Variants in SEL1L observed in about 807,000 individuals in gnomAD.
SEL1L encodes SEL1L adaptor subunit of SYVN1 ubiquitin ligase.
Under a neutral mutation model 109.8 loss-of-function variants are expected in SEL1L, and 52 were observed. The observed-to-expected ratio is 0.47, with a 90% CI of 0.38 to 0.60. SEL1L has a LOEUF of 0.60. SEL1L is among the 20% of genes least tolerant of loss of function. The pLI is 0.00. For synonymous variants in SEL1L, 373 were observed against 339.6 expected (o/e 1.10, Z -1.08); for missense variants, 749 against 962.2 (o/e 0.78, Z 2.93).
At chr14:81,483,614 G>T (rs1274824461) in intron 19 of SEL1L, among the ~76,000 whole-genome samples, 1 of 152,114 alleles carries the variant, frequency 6.6e-6, no homozygotes, top group African/African-American at 2.4e-5. Flanking sequence ...TGGTAAGTGG[G>T]TATTAAATTA....
intron 3 of SEL1L, among the ~76,000 whole-genome samples, chr14:81,514,921 CT>C (rs985958254): frequency 6.6e-6 from 1 of 152,124 alleles, no homozygotes; most frequent in South Asian, 2.1e-4. Flanking sequence ...GCAGCTTGAC[CT>C]TTTCTGTAAG....
At chr14:81,485,445 T>G (rs1595504709) in intron 18 of SEL1L, among the ~76,000 whole-genome samples, 1 of 146,058 alleles carries the variant, frequency 6.8e-6, no homozygotes, top group East Asian at 2.0e-4. Context: ...CCAGCTAATT[T>G]TTTTTGTTTT....
chr14:81,529,068 T>C (rs942869466), intron 1 of SEL1L, among the ~76,000 whole-genome samples: 8 of 152,142 alleles, frequency 5.3e-5, no homozygotes, highest in African/African-American at 1.9e-4. Flanking sequence ...CACCTACTTT[T>C]AGATTACCTT....
chr14:81,489,448 A>G, intron 13 of SEL1L, 134 bp from the exon 14 acceptor site: 1 of 708,666 alleles, frequency 1.4e-6, no homozygotes, highest in Non-Finnish European at 2.4e-6. Context: ...TCAAAACAAA[A>G]CTTTCTTCTT....
chr14:81,510,510 CTCTCTATA>C lies in SEL1L; in HGVS notation c.341-4277_341-4270del, dbSNP rs1318433463. Among the ~76,000 whole-genome samples, 534 of 108,378 alleles carry C rather than the reference CTCTCTATA, an allele frequency of 4.9e-3. 4 individuals are homozygous for C. Among genetic ancestry groups the C allele is most frequent in the Non-Finnish European group, 5.7e-3 (296 of 51,766 alleles). 71.1% of individuals were successfully genotyped at this position (108,378 alleles called of 152,430 possible). On this transcript the variant is annotated intron_variant, in intron 3 of 20. Coordinates refer to ENST00000336735, the MANE Select transcript of SEL1L (RefSeq NM_005065.6). Reference sequence around the variant, plus strand: ...TCTCTCTCTCTCTCTCTCTCTCTCTCTCTCTATATATATATATATAGACAATTAAAGGC... The same window carrying C: ...TCTCTCTCTCTCTCTCTCTCTCTCTCTATATATATATAGACAATTAAAGGC...
intron 10 of SEL1L, among the ~76,000 whole-genome samples, chr14:81,495,420 G>C (rs755136829): frequency 8.5e-5 from 13 of 152,100 alleles, no homozygotes. Flanking sequence ...TGAATCACTT[G>C]AGCCCAGGAG....
At chr14:81,526,166 TA>T (rs1284662406) in intron 3 of SEL1L, among the ~76,000 whole-genome samples, 1 of 152,150 alleles carries the variant, frequency 6.6e-6, no homozygotes, top group African/African-American at 2.4e-5. Context: ...TAATAATTTT[TA>T]AAAGGATTAA....
intron 19 of SEL1L, among the ~76,000 whole-genome samples, chr14:81,480,281 C>A (rs540814026): frequency 2.0e-4 from 30 of 152,228 alleles, no homozygotes; most frequent in Admixed American, 1.9e-3. Context: ...CTCCGCCCCC[C>A]AGGGTTCACG....
chr14:81,484,613 G>C (rs1419403088), intron 18 of SEL1L: 2 of 436,366 alleles, frequency 4.6e-6, no homozygotes, highest in East Asian at 3.5e-5. Context: ...GGAATACAGA[G>C]AGGTAAAACC....
chr14:81,515,691 G>C (rs1314592066), intron 3 of SEL1L, among the ~76,000 whole-genome samples: 2 of 152,196 alleles, frequency 1.3e-5, no homozygotes, highest in East Asian at 3.9e-4. Flanking sequence ...GAGGCCTTAA[G>C]AGAACATATT....
chr14:81,510,130 G>A (rs984613477), intron 3 of SEL1L, among the ~76,000 whole-genome samples: 8 of 152,256 alleles, frequency 5.3e-5, no homozygotes, highest in Non-Finnish European at 8.8e-5. Flanking sequence ...GTATCTTCAG[G>A]GAAAAGAACA....
intron 19 of SEL1L, among the ~76,000 whole-genome samples, chr14:81,483,232 A>AT (rs1028629441): frequency 3.9e-5 from 6 of 152,348 alleles, no homozygotes. Context: ...TGAAATCTCA[A>AT]TTTTTAACAA....
At chr14:81,513,913 C>T (rs932040069) in intron 3 of SEL1L, among the ~76,000 whole-genome samples, 2 of 152,198 alleles carry the variant, frequency 1.3e-5, no homozygotes, top group Non-Finnish European at 2.9e-5. Context: ...GCGGAACTCT[C>T]GAAGTCACGT....
At chr14:81,508,820 T>A (rs1262548327) in intron 3 of SEL1L, among the ~76,000 whole-genome samples, 1 of 152,204 alleles carries the variant, frequency 6.6e-6, no homozygotes, top group East Asian at 1.9e-4. Context: ...AAATAACTTA[T>A]CATAGGAATT....
In SEL1L at chr14:81,510,514, C is replaced by CTCTCTCTCTCTATATA. The variant is rs35474067; in HGVS notation, c.341-4274_341-4273insTATATAGAGAGAGAGA. Among the ~76,000 whole-genome samples the CTCTCTCTCTCTATATA allele has an allele frequency of 2.0e-3, 203 of 104,050 alleles. 1 individual carries two copies. The highest frequency in any genetic ancestry group is 2.8e-3 in the East Asian group (9 of 3,220). The allele number at this position is 104,050 out of a possible 152,430, so 68.3% of individuals were successfully genotyped here. Reference sequence around the variant, plus strand: ...TCTCTCTCTCTCTCTCTCTCTCTCTCTATATATATATATATAGACAATTAA... The same window carrying CTCTCTCTCTCTATATA: ...TCTCTCTCTCTCTCTCTCTCTCTCTCTCTCTCTCTCTATATATATATATATATATATAGACAATTAA... On this transcript the variant is annotated intron_variant, in intron 3 of 20. Transcript: ENST00000336735.
rs190941310 is a variant in SEL1L at position 81,520,784 on chromosome 14, A to T, written c.340+5949T>A. 3.3e-5 allele frequency among the ~76,000 whole-genome samples: 5 copies of T among 152,302 alleles called. No individual in the cohort carries two copies. In the East Asian group the frequency reaches 9.6e-4, roughly 29 times the overall value. ...TGTCTACATTGCTCATTATACAAAA[A>T]CCTGGGATGTATGTAGGCATGACTC... On this transcript the variant is annotated intron_variant, in intron 3 of 20. Transcript: ENST00000336735.
rs757730238 is a variant in SEL1L at position 81,533,637 on chromosome 14, A to G, written c.70+38T>C. 5 of 1,596,384 alleles carry G rather than the reference A, an allele frequency of 3.1e-6. No homozygotes were observed. In the South Asian group the frequency reaches 5.6e-5, roughly 18 times the overall value. ...GCCGGCTGTAGAGGCTGGGGGGCGG[A>G]GGCTCTGGGCCTTCAGCCCGAGGGG... is the stretch of plus-strand genomic sequence containing the variant. On this transcript the variant is annotated intron_variant, in intron 1 of 20. Coordinates refer to ENST00000336735, the MANE Select transcript of SEL1L (RefSeq NM_005065.6).
At chr14:81,515,030 G>C (rs1174754445) in intron 3 of SEL1L, among the ~76,000 whole-genome samples, 1 of 152,122 alleles carries the variant, frequency 6.6e-6, no homozygotes, top group East Asian at 1.9e-4. Context: ...CATCCCACAG[G>C]AGGACCTCTT....
chr14:81,510,472 A>ATCTCTCTCTCTC (rs374089460), intron 3 of SEL1L, among the ~76,000 whole-genome samples: 21 of 118,922 alleles, frequency 1.8e-4, no homozygotes, highest in East Asian at 2.8e-4. Context: ...TAGAATGCTG[A>ATCTCTCTCTCTC]TCTCTCTCTC....
Sources: gnomAD v4.1 joint callset for allele counts (sites outside exome capture counted in the v4.1 genomes callset) on GRCh38, gnomAD v4.1.1 for gene constraint, MANE v1.5 for transcripts, NCBI Gene and HGNC (gene_info 2026-07-23, HGNC 2026-07-21) for gene names.